BSN: variants seen among roughly 807,000 people sequenced by gnomAD.
BSN encodes protein bassoon.
In BSN, 57 loss-of-function variants were observed where a neutral mutation model predicts 264.8. The ratio of observed to expected loss-of-function variants is 0.22; its 90% CI spans 0.17 to 0.27. The LOEUF (loss-of-function observed/expected upper bound fraction) is 0.27, where lower values mean the gene tolerates loss of function less well. Ranked by LOEUF, BSN falls within the 10% of genes least tolerant of loss-of-function variation. BSN has a pLI of 1.00. For synonymous variants in BSN, 2,059 were observed against 2,137.3 expected, an observed-to-expected ratio of 0.96 and a Z score of 1.01; for missense variants, 4,615 against 5,232.5, an observed-to-expected ratio of 0.88 and a Z score of 3.64.
At chr3:49,597,711 C>T (rs906805296) in intron 1 of BSN, among the ~76,000 whole-genome samples, 3 of 152,142 alleles carry the variant, frequency 2.0e-5, no homozygotes, top group Non-Finnish European at 2.9e-5. Context: ...GGCGCAATCT[C>T]GGCTCGCTGC....
Position 49,661,611 on chromosome 3 carries a change from C to T in BSN, c.9766C>T (p.Pro3256Ser), listed in dbSNP as rs1401916059. The T allele has an allele frequency of 1.5e-5, 25 of 1,613,514 alleles. No individual in the cohort carries two copies. The highest frequency in any genetic ancestry group is 1.9e-5 in the Non-Finnish European group (23 of 1,180,056). ...TGCTCCTGATAGCCAACGGCTGGAG[C>T]CCCTGGGGCCAGGCAGCAGTGGGCG... Reference protein sequence around the residue: ...STAPDSQRLEPLGPGSSGRPG... With the variant: ...STAPDSQRLESLGPGSSGRPG... Residue 3256 changes from proline to serine, a missense_variant, in exon 6 of 12, where the codon CCC becomes TCC. Around this residue, in one of 3 missense-constraint regions of BSN, gnomAD observed 3,415 missense variants for 3,866.4 expected, o/e 0.88. Coordinates refer to ENST00000296452, the MANE Select transcript of BSN (RefSeq NM_003458.4).
intron 1 of BSN, among the ~76,000 whole-genome samples, chr3:49,610,906 A>C (rs1026162836): frequency 6.6e-6 from 1 of 152,124 alleles, no homozygotes; most frequent in African/African-American, 2.4e-5. Context: ...ACATTGGGTG[A>C]TCTTGCCAAC....
At chr3:49,631,817 A>G (rs1213487883) in intron 2 of BSN, among the ~76,000 whole-genome samples, 1 of 152,218 alleles carries the variant, frequency 6.6e-6, no homozygotes. Context: ...GGAAGGTCAG[A>G]TGTGCATTTA....
chr3:49,586,059 C>T (rs2051934865), intron 1 of BSN, among the ~76,000 whole-genome samples: 1 of 152,060 alleles, frequency 6.6e-6, no homozygotes, highest in Non-Finnish European at 1.5e-5. Flanking sequence ...GTTGTTCCTT[C>T]ACTTTTTTGA....
chr3:49,659,923 A>G (rs2052639204), intron 5 of BSN, among the ~76,000 whole-genome samples: 1 of 151,890 alleles, frequency 6.6e-6, no homozygotes, highest in Non-Finnish European at 1.5e-5. Flanking sequence ...GGAGCCTTCC[A>G]CTTTAGAGAG....
intron 1 of BSN, among the ~76,000 whole-genome samples, chr3:49,570,415 TG>T (rs1202123105): frequency 6.6e-6 from 1 of 152,174 alleles, no homozygotes; most frequent in Non-Finnish European, 1.5e-5. Flanking sequence ...GGGTGAGTGT[TG>T]GAGCCCACCC....
At chr3:49,606,289 T>TATATATTAAAAATATATATA (rs2052148478) in intron 1 of BSN, among the ~76,000 whole-genome samples, 1 of 27,976 alleles carries the variant, frequency 3.6e-5, no homozygotes, top group African/African-American at 1.9e-4. Flanking sequence ...AAATATATAT[T>TATATATTAAAAATATATATA]ATATATATTA....
intron 1 of BSN, among the ~76,000 whole-genome samples, chr3:49,569,378 A>G (rs1051682747): frequency 6.6e-6 from 1 of 152,182 alleles, no homozygotes; most frequent in African/African-American, 2.4e-5. Flanking sequence ...TTAAACAAAT[A>G]TTTACCTTAT....
chr3:49,568,017 A>AG (rs1448503593), intron 1 of BSN, among the ~76,000 whole-genome samples: 1 of 152,146 alleles, frequency 6.6e-6, no homozygotes, highest in African/African-American at 2.4e-5. Flanking sequence ...GGAGAGGGCA[A>AG]GGTAGGGGTT....
At position 49,652,477 on chromosome 3, in the gene BSN, G is replaced by A. The variant is rs895145949; in HGVS notation, c.2921G>A (p.Arg974His). ...MESLTGSPED[R>H]SRGEHSSTLP... ...AGCCTAACGGGCTCCCCTGAGGACC[G>A]CTCCCGTGGTGAGCACTCCTCTACA... Residue 974 changes from arginine to histidine, a missense_variant, in exon 5 of 12, where the codon CGC becomes CAC. By Grantham distance (29) the Arg-to-His change is conservative (BLOSUM62 0). Coordinates refer to ENST00000296452, the MANE Select transcript of BSN (RefSeq NM_003458.4). 16 of 1,613,656 alleles carry A rather than the reference G, an allele frequency of 9.9e-6. No individual in the cohort carries two copies. The Admixed American group carries it at 1.2e-4, about 12-fold the overall frequency.
intron 1 of BSN, among the ~76,000 whole-genome samples, chr3:49,557,904 G>T (rs2051686576): frequency 6.6e-6 from 1 of 152,162 alleles, no homozygotes; most frequent in Non-Finnish European, 1.5e-5. Context: ...TTGATATCTA[G>T]TCGATCAGCT....
intron 2 of BSN, among the ~76,000 whole-genome samples, chr3:49,626,831 A>G (rs1324806241): frequency 6.6e-6 from 1 of 152,184 alleles, no homozygotes; most frequent in Non-Finnish European, 1.5e-5. Flanking sequence ...GGGTGGGGAT[A>G]AGGAAGAGCC....
chr3:49,641,231 C>A (rs1409899370), intron 2 of BSN, among the ~76,000 whole-genome samples: 1 of 152,156 alleles, frequency 6.6e-6, no homozygotes, highest in Non-Finnish European at 1.5e-5. Context: ...GGAATGAAGT[C>A]ATCAGATCTA....
chr3:49,560,099 A>G (rs2051701119), intron 1 of BSN, among the ~76,000 whole-genome samples: 1 of 151,794 alleles, frequency 6.6e-6, no homozygotes, highest in African/African-American at 2.4e-5. Flanking sequence ...CATGCCTTTC[A>G]CCCCAGTGTG....
intron 1 of BSN, among the ~76,000 whole-genome samples, chr3:49,617,277 AATACATTATATAT>A (rs1313708460): frequency 6.6e-4 from 95 of 144,136 alleles, no homozygotes; most frequent in African/African-American, 2.4e-3. Flanking sequence ...TAAAAAATAA[AATACATTATATAT>A]ATATATATAT....
chr3:49,585,037 CTGT>C lies in BSN; in HGVS notation c.224+30216_224+30218del, dbSNP rs920251405. Among the ~76,000 whole-genome samples, 4 of 152,112 alleles carry C rather than the reference CTGT, an allele frequency of 2.6e-5. No individual in the cohort carries two copies. The highest frequency in any genetic ancestry group is 2.6e-4 in the Admixed American group (4 of 15,276). ...TGCCACATTTTCTTTATCCATTCAG[CTGT>C]TGTTAGACACCTAGGTTGCTTCGAA... On this transcript the variant is annotated intron_variant, in intron 1 of 11. Coordinates refer to ENST00000296452, the MANE Select transcript of BSN (RefSeq NM_003458.4). The surrounding 1 kb of genome is among the most constrained non-coding windows in gnomAD (Gnocchi z 4.7).
At chr3:49,563,897 C>T (rs2051733852) in intron 1 of BSN, among the ~76,000 whole-genome samples, 1 of 152,184 alleles carries the variant, frequency 6.6e-6, no homozygotes, top group Non-Finnish European at 1.5e-5. Flanking sequence ...AATCAGGTTT[C>T]CTTACACCTC....
chr3:49,606,607 G>A (rs2052154617), intron 1 of BSN, among the ~76,000 whole-genome samples: 1 of 151,894 alleles, frequency 6.6e-6, no homozygotes, highest in Admixed American at 6.6e-5. Context: ...AGCTCCCAGT[G>A]AGGACCTGAC....
chr3:49,624,890 G>T (rs2108057682), intron 1 of BSN, 85 bp from the exon 2 acceptor site: 3 of 1,323,568 alleles, frequency 2.3e-6, no homozygotes, highest in East Asian at 5.2e-5. Context: ...GATGGGGCTT[G>T]GCAGGGTCAC....
Sources: allele counts gnomAD v4.1 joint callset (sites outside exome capture counted in the v4.1 genomes callset), GRCh38; gene constraint gnomAD v4.1.1; regional missense constraint gnomAD v4.1.1; non-coding constraint Gnocchi (gnomAD v3.1); transcripts MANE v1.5; gene names NCBI Gene and HGNC (gene_info 2026-07-23, HGNC 2026-07-21).